The following DOCK7 variants were observed in gnomAD, a reference collection of about 807,000 sequenced individuals.
DOCK7 encodes the protein dedicator of cytokinesis 7.
Under a neutral mutation model 271.0 loss-of-function variants are expected in DOCK7, and 138 were observed. That is an observed-to-expected ratio of 0.51 (90% CI 0.44 to 0.59). DOCK7 has a LOEUF of 0.59. Among genes scored for constraint, DOCK7 ranks in the 20% least tolerant of loss-of-function variants. The pLI, the probability that DOCK7 is intolerant of heterozygous loss-of-function variation, is 0.00. For synonymous variants in DOCK7, 823 were observed against 876.1 expected (o/e 0.94, Z 1.07); for missense variants, 2,066 against 2,592.4 (o/e 0.80, Z 4.41).
intron 18 of DOCK7, among the ~76,000 whole-genome samples, chr1:62,575,159 G>C (rs1044684537): frequency 6.6e-6 from 1 of 152,182 alleles, no homozygotes; most frequent in Non-Finnish European, 1.5e-5. Context: ...CTCTCAAGAA[G>C]CTGGGATTAC....
intron 34 of DOCK7, among the ~76,000 whole-genome samples, chr1:62,509,742 C>T (rs142804004): frequency 1.4e-4 from 21 of 152,188 alleles, no homozygotes; most frequent in African/African-American, 5.1e-4. Flanking sequence ...CTGGCTCTCA[C>T]TTGTTTCCTC....
chr1:62,667,008 T>C (rs575649556), intron 1 of DOCK7, among the ~76,000 whole-genome samples: 23 of 152,320 alleles, frequency 1.5e-4, no homozygotes, highest in African/African-American at 5.5e-4. Flanking sequence ...TTATATGATG[T>C]TGGAAATAAC....
chr1:62,492,565 G>A, intron 41 of DOCK7, 139 bp downstream of exon 41: 1 of 1,021,370 alleles, frequency 9.8e-7, no homozygotes, highest in Non-Finnish European at 1.4e-6. Context: ...TGAGATTACA[G>A]GCATGAGCCA....
At position 62,625,400 on chromosome 1, in the gene DOCK7, T is replaced by C; in HGVS notation, c.1284A>G (p.Glu428=). 1 of 1,587,076 alleles carries C rather than the reference T, an allele frequency of 6.3e-7. No individual in the cohort carries two copies. The highest frequency in any genetic ancestry group is 1.2e-5 in the South Asian group (1 of 85,470). The change falls in exon 12 of 50, where the codon GAA becomes GAG. Residue 428 remains glutamate, a splice_region_variant and synonymous_variant. Coordinates refer to ENST00000635253, the MANE Select transcript of DOCK7 (RefSeq NM_001367561.1). ...TCCTCTCTGACCAAGACCCTTTTCG[T>C]TCTACAAAAGAATTAAAAAAAAAAT... ...DSTEVEISTG[E]RKGSWSERRN...
chr1:62,582,268 A>G (rs1041604642), intron 16 of DOCK7, among the ~76,000 whole-genome samples: 3 of 152,120 alleles, frequency 2.0e-5, no homozygotes, highest in African/African-American at 7.2e-5. Flanking sequence ...ATTATAAAAG[A>G]GGCCGGGCGC....
chr1:62,488,816 T>G (rs1438063653), intron 42 of DOCK7, 118 bp downstream of exon 42: 17 of 1,320,270 alleles, frequency 1.3e-5, no homozygotes, highest in Non-Finnish European at 1.6e-5. Flanking sequence ...ACCGCTCATT[T>G]GTAGTCTGAT....
At chr1:62,605,078 G>C (rs2149546672) in intron 14 of DOCK7, 1 of 365,688 alleles carries the variant, frequency 2.7e-6, no homozygotes, top group African/African-American at 2.1e-5. Context: ...TCACAATCTA[G>C]ATTATAATCA....
At chr1:62,583,993 G>C in intron 15 of DOCK7, 1 of 273,646 alleles carries the variant, frequency 3.7e-6, no homozygotes, top group Non-Finnish European at 5.6e-6. Flanking sequence ...ATGTGAGACA[G>C]ACTTGCAGTG....
intron 44 of DOCK7, among the ~76,000 whole-genome samples, chr1:62,477,477 T>C (rs1646000075): frequency 6.6e-6 from 1 of 152,222 alleles, no homozygotes; most frequent in Non-Finnish European, 1.5e-5. Context: ...TTCTAAAATA[T>C]GTGTGAAAAT....
At chr1:62,549,374 T>C (rs1472843745) in intron 22 of DOCK7, among the ~76,000 whole-genome samples, 1 of 152,042 alleles carries the variant, frequency 6.6e-6, no homozygotes, top group East Asian at 1.9e-4. Flanking sequence ...GAAGTAGAGA[T>C]GATAGAAGTA....
At chr1:62,550,114 T>C (rs1312037379) in intron 22 of DOCK7, among the ~76,000 whole-genome samples, 2 of 152,190 alleles carry the variant, frequency 1.3e-5, no homozygotes, top group East Asian at 1.9e-4. Flanking sequence ...GAATCATTTT[T>C]TTCAAAATGA....
At chr1:62,521,803 C>T (rs1644860301) in intron 31 of DOCK7, among the ~76,000 whole-genome samples, 1 of 151,940 alleles carries the variant, frequency 6.6e-6, no homozygotes, top group Non-Finnish European at 1.5e-5. Context: ...TAGTGAAACC[C>T]TGTCTCTACT....
rs372181659 is a variant in DOCK7, at chr1:62,494,536, G to A, written c.5025-69C>T. ...AGCTGGGAGGGAGTTTAGATAGCTCGCTCAGAGTTTACCTAGAAAGGTTTT... is the reference window on the plus strand; with the variant it reads ...AGCTGGGAGGGAGTTTAGATAGCTCACTCAGAGTTTACCTAGAAAGGTTTT... On this transcript the variant is annotated intron_variant, in intron 39 of 49. Transcript: ENST00000635253. 2.1e-4 allele frequency: 293 copies of A among 1,420,622 alleles called. No individual in the cohort carries two copies. The African/African-American group carries it at 3.7e-3, about 18-fold the overall frequency. 88.0% of individuals were successfully genotyped at this position (1,420,622 alleles called of 1,614,324 possible).
chr1:62,669,412 G>A (rs76868908), intron 1 of DOCK7, among the ~76,000 whole-genome samples: 16 of 152,302 alleles, frequency 1.1e-4, no homozygotes, highest in East Asian at 7.7e-4. Context: ...TTGGCTTTCC[G>A]GGTCTGACAC....
At chr1:62,518,794 T>C (rs900420437) in intron 31 of DOCK7, among the ~76,000 whole-genome samples, 13 of 150,668 alleles carry the variant, frequency 8.6e-5, no homozygotes, top group Admixed American at 7.9e-4. Flanking sequence ...AAAACTATAA[T>C]GGGGTAAGAC....
At chr1:62,500,416 A>G (rs1646748079) in intron 37 of DOCK7, among the ~76,000 whole-genome samples, 1 of 152,184 alleles carries the variant, frequency 6.6e-6, no homozygotes, top group African/African-American at 2.4e-5. Context: ...AAAGGAGAAG[A>G]CAAAATGATA....
intron 14 of DOCK7, among the ~76,000 whole-genome samples, chr1:62,588,676 C>T (rs952590279): frequency 2.0e-5 from 3 of 151,916 alleles, no homozygotes; most frequent in African/African-American, 7.3e-5. Context: ...TGTTTGGTTG[C>T]TTCCTTCTAT....
chr1:62,492,960 G>A (rs1027485730), intron 40 of DOCK7, 113 bp from the exon 41 acceptor site: 1 of 854,996 alleles, frequency 1.2e-6, no homozygotes, highest in Non-Finnish European at 1.8e-6. Flanking sequence ...TTAAAAAAAG[G>A]AGAGTGATAT....
At chr1:62,611,573 A>G (rs1251905603) in intron 14 of DOCK7, among the ~76,000 whole-genome samples, 2 of 152,194 alleles carry the variant, frequency 1.3e-5, no homozygotes, top group Non-Finnish European at 2.9e-5. Flanking sequence ...ACCACAAGGT[A>G]CCATGGTACA....
Sources: allele counts gnomAD v4.1 joint callset (sites outside exome capture counted in the v4.1 genomes callset), GRCh38; gene constraint gnomAD v4.1.1; transcripts MANE v1.5; gene names NCBI Gene and HGNC (gene_info 2026-07-23, HGNC 2026-07-21).